NEGR1: variants seen among roughly 807,000 people sequenced by gnomAD.
NEGR1 encodes IgLON family member 4.
A neutral mutation model predicts 40.9 loss-of-function variants in NEGR1; 10 were observed. That is an observed-to-expected ratio of 0.24 (90% CI 0.15 to 0.42). The LOEUF (loss-of-function observed/expected upper bound fraction) is 0.42, where lower values mean the gene tolerates loss of function less well. NEGR1 is among the 10% of genes least tolerant of loss of function. The pLI, the probability that NEGR1 is intolerant of heterozygous loss-of-function variation, is 1.00. For synonymous variants in NEGR1, 185 were observed against 166.8 expected (o/e 1.11, Z -0.84); for missense variants, 352 against 438.9 (o/e 0.80, Z 1.77).
At chr1:72,053,124 T>C (rs989645065) in intron 1 of NEGR1, among the ~76,000 whole-genome samples, 3 of 151,434 alleles carry the variant, frequency 2.0e-5, no homozygotes, top group Non-Finnish European at 4.4e-5. Flanking sequence ...TCAGGACACA[T>C]ATTAATTAGT....
In NEGR1 at chr1:71,772,501, G is replaced by A. The variant is rs143200795; in HGVS notation, c.535+3671C>T. ...AAATTAAATTAGAGGAGCCTAAACT[G>A]TTATGTCAAATACATGCAATACAGA... On this transcript the variant is annotated intron_variant, in intron 3 of 6. Transcript: ENST00000357731. 7.9e-4 allele frequency among the ~76,000 whole-genome samples: 120 copies of A among 152,158 alleles called. 2 individuals are homozygous for A. The East Asian group carries it at 0.017, about 22-fold the overall frequency.
At chr1:71,776,419 G>T (rs1240749890) in intron 2 of NEGR1, 122 bp from the exon 3 acceptor site, 22 of 436,710 alleles carry the variant, frequency 5.0e-5, no homozygotes, top group South Asian at 2.5e-4. Flanking sequence ...TATGGCCTAT[G>T]GGCCTCACCT....
intron 6 of NEGR1, among the ~76,000 whole-genome samples, chr1:71,576,663 G>C (rs1334036417): frequency 1.3e-5 from 2 of 152,186 alleles, no homozygotes; most frequent in African/African-American, 4.8e-5. Context: ...TTTAGGCAAA[G>C]AATACTAGCG....
intron 1 of NEGR1, among the ~76,000 whole-genome samples, chr1:71,983,309 G>A (rs1434190046): frequency 3.3e-5 from 5 of 152,068 alleles, no homozygotes; most frequent in Non-Finnish European, 7.4e-5. Flanking sequence ...CATTGATGAA[G>A]CTATAAGTAC....
chr1:71,867,192 G>A (rs1189736780), intron 2 of NEGR1, among the ~76,000 whole-genome samples: 1 of 152,092 alleles, frequency 6.6e-6, no homozygotes, highest in African/African-American at 2.4e-5. Context: ...TGGTCAACAT[G>A]GTGAAACTCT....
intron 1 of NEGR1, among the ~76,000 whole-genome samples, chr1:72,249,007 T>C (rs1654999190): frequency 6.6e-6 from 1 of 152,234 alleles, no homozygotes; most frequent in Non-Finnish European, 1.5e-5. Context: ...ATATGACATA[T>C]TGCTAGGGTC....
chr1:71,902,983 A>G (rs1028796651), intron 2 of NEGR1, among the ~76,000 whole-genome samples: 4 of 152,062 alleles, frequency 2.6e-5, no homozygotes, highest in Non-Finnish European at 2.9e-5. Context: ...GAATATGCCA[A>G]TGATTTATTG....
intron 1 of NEGR1, among the ~76,000 whole-genome samples, chr1:72,008,921 G>T (rs1570603300): frequency 6.6e-6 from 1 of 151,114 alleles, no homozygotes; most frequent in Non-Finnish European, 1.5e-5. Context: ...AAGTCAAAAA[G>T]CTTCCATTAA....
rs1308275150 is a variant in NEGR1, at chr1:71,949,088, ACT to A, written c.177-13779_177-13778del. 3.3e-5 allele frequency among the ~76,000 whole-genome samples: 5 copies of A among 152,134 alleles called. No individual in the cohort carries two copies. The East Asian group carries it at 9.7e-4, about 29-fold the overall frequency. On this transcript the variant is annotated intron_variant, in intron 1 of 6. Transcript: ENST00000357731. ...CAGACTAACACAGGATTGAATCATAACTCTTCCTGTGACTTCTAGCCTGAGGA... is the reference window on the plus strand; with the variant it reads ...CAGACTAACACAGGATTGAATCATAACTTCCTGTGACTTCTAGCCTGAGGA...
chr1:71,572,499 C>T (rs1193268827), intron 6 of NEGR1, among the ~76,000 whole-genome samples: 1 of 152,162 alleles, frequency 6.6e-6, no homozygotes, highest in African/African-American at 2.4e-5. Flanking sequence ...ACTCTTCTCA[C>T]TATTGAGAAA....
At chr1:71,522,730 T>TACACAC (rs3980477) in intron 6 of NEGR1, among the ~76,000 whole-genome samples, 10,427 of 144,310 alleles carry the variant, frequency 0.072, 528 homozygotes, top group Middle Eastern at 0.12. Context: ...ACCCCCCCCT[T>TACACAC]ACACACACAC....
At chr1:72,274,748 T>A in intron 1 of NEGR1, 1 of 1,138,198 alleles carries the variant, frequency 8.8e-7, no homozygotes, top group African/African-American at 1.5e-5. Flanking sequence ...GAAGGAGAAA[T>A]TGCTTGCTGT....
intron 6 of NEGR1, among the ~76,000 whole-genome samples, chr1:71,420,211 A>C (rs1646385582): frequency 6.6e-6 from 1 of 152,124 alleles, no homozygotes; most frequent in African/African-American, 2.4e-5. Flanking sequence ...GTCATTTCAT[A>C]ACACCTTTAT....
intron 6 of NEGR1, among the ~76,000 whole-genome samples, chr1:71,565,185 C>T (rs1648580236): frequency 6.6e-6 from 1 of 152,120 alleles, no homozygotes; most frequent in African/African-American, 2.4e-5. Context: ...TCAAGCCTTT[C>T]TATGAATTCT....
intron 2 of NEGR1, among the ~76,000 whole-genome samples, chr1:71,900,893 C>T (rs553698393): frequency 1.3e-3 from 199 of 152,216 alleles, no homozygotes; most frequent in African/African-American, 4.4e-3. Flanking sequence ...ACAGATGTGC[C>T]TAGGTACAAG....
At chr1:71,848,457 A>G (rs1056935852) in intron 2 of NEGR1, among the ~76,000 whole-genome samples, 2 of 152,148 alleles carry the variant, frequency 1.3e-5, no homozygotes, top group East Asian at 3.9e-4. Flanking sequence ...GTTAAAGCCA[A>G]TGCTCATTTA....
chr1:71,872,860 T>G (rs905299069), intron 2 of NEGR1, among the ~76,000 whole-genome samples: 1 of 152,096 alleles, frequency 6.6e-6, no homozygotes, highest in African/African-American at 2.4e-5. Context: ...AAACACTCTT[T>G]CTTGTTTGTT....
intron 1 of NEGR1, among the ~76,000 whole-genome samples, chr1:71,979,227 G>C (rs1646334090): frequency 6.6e-6 from 1 of 152,060 alleles, no homozygotes; most frequent in South Asian, 2.1e-4. Flanking sequence ...GTGGGAGGAA[G>C]GAGAGGAACG....
At chr1:71,896,611 C>T (rs1660981427) in intron 2 of NEGR1, among the ~76,000 whole-genome samples, 1 of 152,016 alleles carries the variant, frequency 6.6e-6, no homozygotes, top group Non-Finnish European at 1.5e-5. Flanking sequence ...TCTAAAAAAC[C>T]ATTGCCTAAG....
Sources: allele counts gnomAD v4.1 joint callset (sites outside exome capture counted in the v4.1 genomes callset), GRCh38; gene constraint gnomAD v4.1.1; transcripts MANE v1.5; gene names NCBI Gene and HGNC (gene_info 2026-07-23, HGNC 2026-07-21).